TTC39C: variants seen among roughly 807,000 people sequenced by gnomAD.
TTC39C encodes the protein tetratricopeptide repeat domain 39C.
A neutral mutation model predicts 76.3 loss-of-function variants in TTC39C; 33 were observed. That is an observed-to-expected ratio of 0.43 (90% CI 0.33 to 0.58). The LOEUF (loss-of-function observed/expected upper bound fraction) is 0.58. Among genes scored for constraint, TTC39C ranks in the 20% least tolerant of loss-of-function variants. The probability of loss-of-function intolerance (pLI) is 0.04; values close to 1 mark genes in which losing one functional copy is unlikely to be tolerated. For synonymous variants in TTC39C, 254 were observed against 260.6 expected (o/e 0.97, Z 0.24); for missense variants, 595 against 701.4 (o/e 0.85, Z 1.71).
At chr18:24,033,871 A>G (rs532759697) in intron 1 of TTC39C, among the ~76,000 whole-genome samples, 1 of 152,304 alleles carries the variant, frequency 6.6e-6, no homozygotes, top group South Asian at 2.1e-4. Context: ...ATTCCTAGTG[A>G]TAGACCCACT....
chr18:24,091,314 C>A (rs954458196), intron 6 of TTC39C, among the ~76,000 whole-genome samples: 1 of 152,120 alleles, frequency 6.6e-6, no homozygotes, highest in Non-Finnish European at 1.5e-5. Context: ...TGGTAGTGCA[C>A]ATCTGTAGGC....
chr18:24,091,504 A>T (rs2084516018), intron 6 of TTC39C, among the ~76,000 whole-genome samples: 1 of 152,212 alleles, frequency 6.6e-6, no homozygotes, highest in Non-Finnish European at 1.5e-5. Context: ...ATACAAGAAA[A>T]TTAACTCAAA....
intron 1 of TTC39C, among the ~76,000 whole-genome samples, chr18:24,046,877 A>G (rs1750464017): frequency 6.6e-6 from 1 of 151,832 alleles, no homozygotes; most frequent in African/African-American, 2.4e-5. Flanking sequence ...GCTTCCACAG[A>G]AAAAATACAT....
At chr18:24,019,209 T>G (rs1488070924) in intron 1 of TTC39C, among the ~76,000 whole-genome samples, 2 of 152,182 alleles carry the variant, frequency 1.3e-5, no homozygotes, top group Non-Finnish European at 2.9e-5. Context: ...ATGCTGAGCC[T>G]CCCTCCTCCC....
intron 1 of TTC39C, among the ~76,000 whole-genome samples, chr18:24,042,649 G>A (rs1462031840): frequency 1.3e-5 from 2 of 152,068 alleles, no homozygotes; most frequent in African/African-American, 2.4e-5. Flanking sequence ...GTCTAGTTGT[G>A]GAATTGTTTT....
chr18:24,132,357 TG>T, intron 13 of TTC39C, 127 bp from the exon 14 acceptor site: 1 of 668,690 alleles, frequency 1.5e-6, no homozygotes, highest in South Asian at 2.3e-5. Flanking sequence ...ATCAAGTGGA[TG>T]GGAAACCTTT....
chr18:24,022,451 C>G (rs994629492), intron 1 of TTC39C: 1 of 514,094 alleles, frequency 1.9e-6, no homozygotes, highest in Non-Finnish European at 2.5e-6. Flanking sequence ...ACTCGGGTCT[C>G]GCAGCAGTAG....
chr18:24,109,200 T>TAAAAAAA (rs1599333991), intron 6 of TTC39C, among the ~76,000 whole-genome samples: 1 of 105,792 alleles, frequency 9.5e-6, no homozygotes, highest in Non-Finnish European at 1.8e-5. Context: ...AAAAAAAAAG[T>TAAAAAAA]TAAAAAATTA....
At chr18:24,046,363 A>T (rs950830242) in intron 1 of TTC39C, among the ~76,000 whole-genome samples, 4 of 151,828 alleles carry the variant, frequency 2.6e-5, no homozygotes, top group African/African-American at 7.3e-5. Context: ...CATTTGGGAT[A>T]CTTTTCTTGT....
At chr18:24,019,694 T>C (rs1310969399) in intron 1 of TTC39C, among the ~76,000 whole-genome samples, 1 of 152,230 alleles carries the variant, frequency 6.6e-6, no homozygotes, top group Non-Finnish European at 1.5e-5. Flanking sequence ...CGTGGGCCAA[T>C]TCTAGCCTGA....
At chr18:24,051,844 G>A (rs2083954299) in intron 1 of TTC39C, among the ~76,000 whole-genome samples, 1 of 152,194 alleles carries the variant, frequency 6.6e-6, no homozygotes, top group East Asian at 1.9e-4. Context: ...GAAATGGGAA[G>A]TATGAATTTT....
At chr18:24,132,041 A>G in intron 13 of TTC39C, 121 bp downstream of exon 13, 1 of 894,034 alleles carries the variant, frequency 1.1e-6, no homozygotes, top group Non-Finnish European at 1.7e-6. Flanking sequence ...TCTGGAAAGG[A>G]AAAATGACAA....
rs563235264 is a variant in TTC39C at position 24,072,545 on chromosome 18, C to G, written c.460+3274C>G. On this transcript the variant is annotated intron_variant, in intron 4 of 13. Transcript: ENST00000317571. Reference sequence around the variant, plus strand: ...CTCCTGCCCTTAAGTGATCCATCCGCCTTGGTCTCCCAAAGTGCTGGGATT... The same window carrying G: ...CTCCTGCCCTTAAGTGATCCATCCGGCTTGGTCTCCCAAAGTGCTGGGATT... 7.2e-5 allele frequency among the ~76,000 whole-genome samples: 11 copies of G among 152,350 alleles called. No homozygotes were observed. The South Asian group carries it at 1.4e-3, about 20-fold the overall frequency.
At chr18:24,092,673 C>T (rs1001303347) in intron 6 of TTC39C, among the ~76,000 whole-genome samples, 15 of 152,100 alleles carry the variant, frequency 9.9e-5, no homozygotes, top group African/African-American at 2.9e-4. Context: ...ATCTTTAGGA[C>T]GGGTACATCT....
chr18:24,117,309 G>A (rs145905611), intron 7 of TTC39C, among the ~76,000 whole-genome samples: 2 of 152,224 alleles, frequency 1.3e-5, no homozygotes, highest in Non-Finnish European at 2.9e-5. Flanking sequence ...TAACTGTTTC[G>A]ATCCAGGAAG....
chr18:24,038,447 T>C, intron 1 of TTC39C, among the ~76,000 whole-genome samples: 1 of 151,890 alleles, frequency 6.6e-6, no homozygotes, highest in East Asian at 1.9e-4. Context: ...CATGCCCGGC[T>C]AATTTTTGTA....
intron 1 of TTC39C, among the ~76,000 whole-genome samples, chr18:23,997,346 T>A (rs1195898097): frequency 1.3e-5 from 2 of 150,454 alleles, no homozygotes; most frequent in Non-Finnish European, 3.0e-5. Flanking sequence ...AGGTCAGGAG[T>A]TCGAGACCAG....
chr18:24,071,256 T>C (rs1233860592), intron 4 of TTC39C, among the ~76,000 whole-genome samples: 1 of 152,210 alleles, frequency 6.6e-6, no homozygotes. Context: ...CGTCTGTCTT[T>C]CGTTTGTTCA....
chr18:24,062,788 G>C (rs1412714027), intron 1 of TTC39C, among the ~76,000 whole-genome samples: 1 of 152,198 alleles, frequency 6.6e-6, no homozygotes, highest in East Asian at 1.9e-4. Context: ...CACACACACA[G>C]TGTACCAGGA....
Sources: gnomAD v4.1 joint callset for allele counts (sites outside exome capture counted in the v4.1 genomes callset) on GRCh38, gnomAD v4.1.1 for gene constraint, MANE v1.5 for transcripts, NCBI Gene and HGNC (gene_info 2026-07-23, HGNC 2026-07-21) for gene names.